Variants in ZRANB3 observed in about 807,000 individuals in gnomAD.
The protein encoded by ZRANB3 is DNA annealing helicase and endonuclease ZRANB3.
In ZRANB3, 125 loss-of-function variants were observed where a neutral mutation model predicts 133.8. The ratio of observed to expected loss-of-function variants is 0.93; its 90% CI spans 0.81 to 1.08. The LOEUF (loss-of-function observed/expected upper bound fraction) is 1.08, where lower values mean the gene tolerates loss of function less well. ZRANB3 is among the 50% of genes least tolerant of loss of function. ZRANB3 has a pLI of 0.00. For missense variants in ZRANB3, 1,229 were observed against 1,275.5 expected, an observed-to-expected ratio of 0.96 and a Z score of 0.56; for synonymous variants, 387 against 432.7, an observed-to-expected ratio of 0.89 and a Z score of 1.31.
chr2:135,307,093 CACTT>C (rs1682744677), intron 8 of ZRANB3, among the ~76,000 whole-genome samples: 2 of 152,096 alleles, frequency 1.3e-5, no homozygotes, highest in Admixed American at 1.3e-4. Flanking sequence ...GACAGGGTCT[CACTT>C]ACTCTGTTGT....
At position 135,275,878 on chromosome 2, in the gene ZRANB3, T is replaced by C. The variant is rs114048856; in HGVS notation, c.967-123A>G. On this transcript the variant is annotated intron_variant, in intron 8 of 20. Coordinates refer to ENST00000264159, the MANE Select transcript of ZRANB3 (RefSeq NM_032143.4). ...TAAATATGAACTTTTAGCTGCATTGTTCTCTAGGTAGCCTAAGGAAGTAGA... is the reference window on the plus strand; with the variant it reads ...TAAATATGAACTTTTAGCTGCATTGCTCTCTAGGTAGCCTAAGGAAGTAGA... 1.9e-3 allele frequency: 1,336 copies of C among 710,418 alleles called. 11 individuals carry two copies. The African/African-American group carries it at 0.019, about 10-fold the overall frequency. The allele number at this position is 710,418 out of a possible 1,614,324, so 44.0% of individuals were successfully genotyped here.
chr2:135,359,180 C>A (rs1324720505), intron 3 of ZRANB3, among the ~76,000 whole-genome samples: 1 of 152,074 alleles, frequency 6.6e-6, no homozygotes, highest in Non-Finnish European at 1.5e-5. Context: ...AGCCATCTTT[C>A]AATATACGTT....
chr2:135,452,309 T>C (rs957636453), intron 2 of ZRANB3, among the ~76,000 whole-genome samples: 2 of 152,112 alleles, frequency 1.3e-5, no homozygotes, highest in Non-Finnish European at 2.9e-5. Flanking sequence ...TTCTGGGAGA[T>C]ACAATTCAAG....
chr2:135,237,542 A>C (rs1573734270), intron 12 of ZRANB3, among the ~76,000 whole-genome samples: 1 of 151,486 alleles, frequency 6.6e-6, no homozygotes, highest in Non-Finnish European at 1.5e-5. Context: ...GAACCAACCC[A>C]AATGTCCAAC....
At chr2:135,330,424 A>AAGCTCTTTGATGTGCTGCTGGATT (rs1684079202) in intron 6 of ZRANB3, among the ~76,000 whole-genome samples, 1 of 152,156 alleles carries the variant, frequency 6.6e-6, no homozygotes, top group Admixed American at 6.5e-5. Context: ...CGTGGTGGAT[A>AAGCTCTTTGATGTGCTGCTGGATT]AGCTCTTTGA....
intron 2 of ZRANB3, among the ~76,000 whole-genome samples, chr2:135,432,068 T>C (rs1689346253): frequency 6.6e-6 from 1 of 151,956 alleles, no homozygotes; most frequent in South Asian, 2.1e-4. Context: ...CTGACCAACA[T>C]GGAGAAACCC....
At chr2:135,314,703 C>T (rs1558910142) in intron 7 of ZRANB3, among the ~76,000 whole-genome samples, 1 of 151,856 alleles carries the variant, frequency 6.6e-6, no homozygotes. Flanking sequence ...GAGCAAGGAA[C>T]ACAATTTCCC....
At chr2:135,288,177 TC>T (rs759670490) in intron 8 of ZRANB3, among the ~76,000 whole-genome samples, 10 of 152,342 alleles carry the variant, frequency 6.6e-5, no homozygotes, top group Admixed American at 6.5e-4. Context: ...CTTTTCTGCA[TC>T]TATTGAGATG....
intron 1 of ZRANB3, among the ~76,000 whole-genome samples, chr2:135,519,974 C>T (rs1313618989): frequency 1.3e-5 from 2 of 151,982 alleles, no homozygotes; most frequent in East Asian, 1.9e-4. Context: ...GGCTGTGAAC[C>T]GGAGGTAAAA....
At chr2:135,269,955 C>A (rs16831499) in intron 10 of ZRANB3, among the ~76,000 whole-genome samples, 8,482 of 152,130 alleles carry the variant, frequency 0.056, 459 homozygotes, top group African/African-American at 0.14. Context: ...TTCATATGCA[C>A]CAAACTCCTA....
intron 10 of ZRANB3, 29 bp downstream of exon 10, chr2:135,271,739 T>A: frequency 6.3e-7 from 1 of 1,591,194 alleles, no homozygotes; most frequent in South Asian, 1.2e-5. Flanking sequence ...TGACATTTCA[T>A]AACCAAATTT....
At chr2:135,317,220 T>A (rs571450881) in intron 6 of ZRANB3, among the ~76,000 whole-genome samples, 2 of 152,246 alleles carry the variant, frequency 1.3e-5, no homozygotes, top group East Asian at 3.9e-4. Context: ...CTTCCTTTAA[T>A]GCATCATGTC....
intron 1 of ZRANB3, among the ~76,000 whole-genome samples, chr2:135,510,227 A>T (rs1324005726): frequency 6.6e-6 from 1 of 152,182 alleles, no homozygotes; most frequent in East Asian, 1.9e-4. Context: ...CTTTGGGGAA[A>T]TGGCTGTTAG....
chr2:135,478,233 G>T (rs1691587378), intron 2 of ZRANB3, among the ~76,000 whole-genome samples: 1 of 152,018 alleles, frequency 6.6e-6, no homozygotes, highest in South Asian at 2.1e-4. Context: ...CAAAGTACAT[G>T]TAATAGTTTT....
At chr2:135,315,940 C>T (rs1474107613) in intron 6 of ZRANB3, among the ~76,000 whole-genome samples, 2 of 152,130 alleles carry the variant, frequency 1.3e-5, no homozygotes, top group Non-Finnish European at 2.9e-5. Flanking sequence ...CCAAAACCAC[C>T]CAGAACATTT....
chr2:135,460,079 G>T (rs1171386836), intron 2 of ZRANB3, among the ~76,000 whole-genome samples: 1 of 152,082 alleles, frequency 6.6e-6, no homozygotes, highest in Non-Finnish European at 1.5e-5. Context: ...TGGGGCAGGG[G>T]TAGGGGGTGT....
At chr2:135,230,043 CA>C (rs1045257367) in intron 13 of ZRANB3, among the ~76,000 whole-genome samples, 8 of 152,062 alleles carry the variant, frequency 5.3e-5, no homozygotes, top group Admixed American at 4.6e-4. Flanking sequence ...CTTTGACAAG[CA>C]AAAACCATGG....
At chr2:135,345,493 A>C (rs1684873047) in intron 6 of ZRANB3, 57 bp downstream of exon 6, 2 of 1,225,412 alleles carry the variant, frequency 1.6e-6, no homozygotes, top group South Asian at 2.7e-5. Flanking sequence ...TGATTAATAA[A>C]GCAATGTTCA....
chr2:135,445,649 G>A (rs923861951), intron 2 of ZRANB3, among the ~76,000 whole-genome samples: 11 of 151,422 alleles, frequency 7.3e-5, no homozygotes, highest in East Asian at 5.9e-4. Context: ...AGGCTGAGGC[G>A]GGTGGATCAC....
Sources: allele counts gnomAD v4.1 joint callset (sites outside exome capture counted in the v4.1 genomes callset), GRCh38; gene constraint gnomAD v4.1.1; transcripts MANE v1.5; gene names NCBI Gene and HGNC (gene_info 2026-07-23, HGNC 2026-07-21).